The following KCNQ1 variants were observed in gnomAD, a reference collection of about 807,000 sequenced individuals.
KCNQ1 encodes the protein potassium voltage-gated channel subfamily Q member 1, also known as potassium voltage-gated channel subfamily KQT member 1.
In KCNQ1, 49 loss-of-function variants were observed where a neutral mutation model predicts 72.4. The observed-to-expected ratio is 0.68, with a 90% CI of 0.54 to 0.86. KCNQ1 has a LOEUF of 0.86. Ranked by LOEUF, KCNQ1 falls within the 40% of genes least tolerant of loss-of-function variation. The pLI, the probability that KCNQ1 is intolerant of heterozygous loss-of-function variation, is 0.00. For synonymous variants in KCNQ1, 450 were observed against 412.6 expected (o/e 1.09, Z -1.10); for missense variants, 790 against 945.1 (o/e 0.84, Z 2.15).
At chr11:2,646,166 T>C (rs978494178) in intron 10 of KCNQ1, 3 of 398,540 alleles carry the variant, frequency 7.5e-6, no homozygotes, top group Middle Eastern at 6.2e-4. Context: ...AGAGGCGATC[T>C]ATATAAACTG....
At position 2,471,901 on chromosome 11, in the gene KCNQ1, T is replaced by A. The variant is rs910202293; in HGVS notation, c.386+26417T>A. On this transcript the variant is annotated intron_variant, in intron 1 of 15. Transcript: ENST00000155840. This position sits in a 1 kb window ranked among gnomAD's most constrained non-coding sequence, Gnocchi z 4.8. ...GTGTGCACATGTGTATAGGTGTGTG[T>A]ATGCGTGCACCTATGTGTGTATAGG... 4.1e-4 allele frequency among the ~76,000 whole-genome samples: 62 copies of A among 151,806 alleles called. No individual in the cohort carries two copies. Among genetic ancestry groups the A allele is most frequent in the African/African-American group, 1.3e-3 (55 of 41,378 alleles).
intron 11 of KCNQ1, among the ~76,000 whole-genome samples, chr11:2,755,620 T>C (rs1846287227): frequency 6.6e-6 from 1 of 152,190 alleles, no homozygotes; most frequent in Non-Finnish European, 1.5e-5. Flanking sequence ...CAATATGATT[T>C]CCCCATCTCA....
rs1426267798 is a variant in KCNQ1 at position 2,603,069 on chromosome 11, A to G, written c.1393+14215A>G. Among the ~76,000 whole-genome samples, 2 of 152,218 alleles carry G rather than the reference A, an allele frequency of 1.3e-5. No individual in the cohort carries two copies. Among genetic ancestry groups the G allele is most frequent in the Non-Finnish European group, 2.9e-5 (2 of 68,036 alleles). On this transcript the variant is annotated intron_variant, in intron 10 of 15. Transcript: ENST00000155840. This position sits in a 1 kb window ranked among gnomAD's most constrained non-coding sequence, Gnocchi z 4.1. The stretch of plus-strand genomic sequence containing the variant: ...ACATACCATACAATTCACCCATTTA[A>G]AGAATATAATTGAATGGTTTTTAGT...
In KCNQ1 at chr11:2,654,504, G is replaced by A. The variant is rs554405328; in HGVS notation, c.1394-7457G>A. 5.5e-5 allele frequency: 22 copies of A among 398,734 alleles called. No homozygotes were observed. The highest frequency in any genetic ancestry group is 5.3e-4 in the East Asian group (15 of 28,078). 24.7% of individuals were successfully genotyped at this position (398,734 alleles called of 1,614,324 possible). A position where few individuals can be genotyped will look rare whatever the true frequency, so the allele number is the denominator to read the frequency against. ...CCGTACAGGGGAGGGGGCAATCTCC[G>A]GAGCCCTGGAAAGCTTGTGGAAGAG... On this transcript the variant is annotated intron_variant, in intron 10 of 15. Coordinates refer to ENST00000155840, the MANE Select transcript of KCNQ1 (RefSeq NM_000218.3). This position sits in a 1 kb window ranked among gnomAD's most constrained non-coding sequence, Gnocchi z 6.4.
chr11:2,594,039 A>G (rs569529499), intron 10 of KCNQ1, among the ~76,000 whole-genome samples: 7 of 152,292 alleles, frequency 4.6e-5, no homozygotes, highest in Admixed American at 4.6e-4. Flanking sequence ...GATGCTGCAT[A>G]CATTGAGATA....
At chr11:2,841,717 A>T (rs1365600766) in intron 15 of KCNQ1, among the ~76,000 whole-genome samples, 4 of 152,184 alleles carry the variant, frequency 2.6e-5, no homozygotes, top group Middle Eastern at 3.2e-3. Context: ...GAAGGGAACG[A>T]GGGTCGTGTG....
chr11:2,731,316 ACAATGCCC>A (rs1336381371), intron 11 of KCNQ1, among the ~76,000 whole-genome samples: 1 of 152,234 alleles, frequency 6.6e-6, no homozygotes, highest in African/African-American at 2.4e-5. Context: ...CATGGAGAGA[ACAATGCCC>A]AAATGCCCTC....
At chr11:2,719,905 A>G (rs1011031767) in intron 11 of KCNQ1, among the ~76,000 whole-genome samples, 1 of 152,266 alleles carries the variant, frequency 6.6e-6, no homozygotes, top group South Asian at 2.1e-4. Context: ...AAATGGACAC[A>G]GATCAAACCT....
In KCNQ1 at chr11:2,710,831, T is replaced by C. The variant is rs1850989710; in HGVS notation, c.1514+48750T>C. 6.6e-6 allele frequency among the ~76,000 whole-genome samples: 1 copy of C among 152,250 alleles called. No homozygotes were observed. Reference sequence around the variant, plus strand: ...TGGATTCTCAATTTTATTCTATTGATTTGTTTGTCTATCCTTATGCCAGTA... The same window carrying C: ...TGGATTCTCAATTTTATTCTATTGACTTGTTTGTCTATCCTTATGCCAGTA... On this transcript the variant is annotated intron_variant, in intron 11 of 15. Transcript: ENST00000155840. This position sits in a 1 kb window ranked among gnomAD's most constrained non-coding sequence, Gnocchi z 4.1.
At chr11:2,770,970 G>C (rs1225582887) in intron 12 of KCNQ1, among the ~76,000 whole-genome samples, 1 of 152,254 alleles carries the variant, frequency 6.6e-6, no homozygotes, top group Non-Finnish European at 1.5e-5. Flanking sequence ...GGGTGTGTCA[G>C]TTCGCTGGAG....
Position 2,468,434 on chromosome 11 carries a change from T to G in KCNQ1, c.386+22950T>G, listed in dbSNP as rs1846386313. On this transcript the variant is annotated intron_variant, in intron 1 of 15. Transcript: ENST00000155840. This position sits in a 1 kb window ranked among gnomAD's most constrained non-coding sequence, Gnocchi z 5.7. ...AGTGCTGGGATTACAGGCATGCACT[T>G]TTTTTTTCTAAGTAGCTTTACGGAG... is the stretch of plus-strand genomic sequence containing the variant. Among the ~76,000 whole-genome samples the G allele has an allele frequency of 6.6e-6, 1 of 152,012 alleles. No individual in the cohort carries two copies. Among genetic ancestry groups the G allele is most frequent in the Non-Finnish European group, 1.5e-5 (1 of 67,990 alleles).
At chr11:2,454,889 T>A (rs1005309750) in intron 1 of KCNQ1, among the ~76,000 whole-genome samples, 24 of 152,038 alleles carry the variant, frequency 1.6e-4, no homozygotes, top group African/African-American at 5.3e-4. Context: ...ACCACTCCTA[T>A]TCAAAATAAT....
At chr11:2,773,793 T>C (rs1043578048) in intron 12 of KCNQ1, among the ~76,000 whole-genome samples, 1 of 147,894 alleles carries the variant, frequency 6.8e-6, no homozygotes, top group African/African-American at 2.5e-5. Context: ...CATTCCATCT[T>C]ACAGAAGGGA....
chr11:2,585,639 G>A (rs1848582434), intron 8 of KCNQ1, among the ~76,000 whole-genome samples: 1 of 152,230 alleles, frequency 6.6e-6, no homozygotes, highest in South Asian at 2.1e-4. Flanking sequence ...ACAACCTGAG[G>A]GCTGAGTCTG....
intron 11 of KCNQ1, chr11:2,689,298 T>C (rs985645913): frequency 2.5e-6 from 1 of 398,646 alleles, no homozygotes; most frequent in Non-Finnish European, 4.4e-6. Context: ...ACTCCAACCC[T>C]AAGACTCAAT....
rs191642634 is a variant in KCNQ1, at chr11:2,620,238, C to T, written c.1393+31384C>T. The T allele has an allele frequency of 2.7e-4, 64 of 236,844 alleles. No individual in the cohort carries two copies. Among genetic ancestry groups the T allele is most frequent in the Admixed American group, 8.0e-4 (14 of 17,504 alleles). 14.7% of individuals were successfully genotyped at this position (236,844 alleles called of 1,614,324 possible). ...TTTTTTTTTTTATTTTTTTTTTAGA[C>T]GGAGTTTCGCTCTTGTTGCCCAGGC... On this transcript the variant is annotated intron_variant, in intron 10 of 15. Coordinates refer to ENST00000155840, the MANE Select transcript of KCNQ1 (RefSeq NM_000218.3). The surrounding 1 kb of genome is among the most constrained non-coding windows in gnomAD (Gnocchi z 4.5).
intron 15 of KCNQ1, among the ~76,000 whole-genome samples, chr11:2,806,306 G>A (rs562379894): frequency 6.6e-6 from 1 of 152,322 alleles, no homozygotes; most frequent in African/African-American, 2.4e-5. Context: ...AGAGGGGAGG[G>A]AGAGAGGAAG....
chr11:2,574,459 G>C (rs1215759831), intron 6 of KCNQ1, among the ~76,000 whole-genome samples: 1 of 152,152 alleles, frequency 6.6e-6, no homozygotes, highest in East Asian at 1.9e-4. Flanking sequence ...GGCCGCACGG[G>C]GGCTGGAGGT....
At position 2,691,704 on chromosome 11, in the gene KCNQ1, C is replaced by A; in HGVS notation, c.1514+29623C>A. The A allele has an allele frequency of 2.5e-6, 1 of 398,518 alleles. No individual in the cohort carries two copies. The highest frequency in any genetic ancestry group is 1.3e-4 in the South Asian group (1 of 7,846). 24.7% of individuals were successfully genotyped at this position (398,518 alleles called of 1,614,324 possible). On this transcript the variant is annotated intron_variant, in intron 11 of 15. Coordinates refer to ENST00000155840, the MANE Select transcript of KCNQ1 (RefSeq NM_000218.3). This position sits in a 1 kb window ranked among gnomAD's most constrained non-coding sequence, Gnocchi z 6.4. ...GGGAAGGGGTCTCTCCCCATCTGTC[C>A]AGGGGAGAGGCAGCCCACAGGGAGC...
Sources: allele counts gnomAD v4.1 joint callset (sites outside exome capture counted in the v4.1 genomes callset), GRCh38; gene constraint gnomAD v4.1.1; non-coding constraint Gnocchi (gnomAD v3.1); transcripts MANE v1.5; gene names NCBI Gene and HGNC (gene_info 2026-07-23, HGNC 2026-07-21).